The following SLC4A4 variants were observed in gnomAD, a reference collection of about 807,000 sequenced individuals.
The protein encoded by SLC4A4 is solute carrier family 4 member 4, also known as electrogenic sodium bicarbonate cotransporter 1.
SLC4A4 carries 27 observed loss-of-function variants against 111.5 expected under a neutral mutation model. The observed-to-expected ratio is 0.24, with a 90% CI of 0.18 to 0.33. SLC4A4 has a LOEUF of 0.33. Among genes scored for constraint, SLC4A4 ranks in the 10% least tolerant of loss-of-function variants. The pLI is 1.00. For synonymous variants in SLC4A4, 443 were observed against 463.4 expected (o/e 0.96, Z 0.57); for missense variants, 909 against 1,315.5 (o/e 0.69, Z 4.78).
chr4:71,283,796 T>G (rs912554721), intron 3 of SLC4A4, among the ~76,000 whole-genome samples: 2 of 152,238 alleles, frequency 1.3e-5, no homozygotes, highest in Non-Finnish European at 2.9e-5. Flanking sequence ...GGAACTTCCC[T>G]GCAGAGTTCA....
chr4:71,255,313 A>G lies in SLC4A4; in HGVS notation c.167A>G (p.Glu56Gly), dbSNP rs1721366729. 6.2e-7 allele frequency: 1 copy of G among 1,613,568 alleles called. No individual in the cohort carries two copies. Among genetic ancestry groups the G allele is most frequent in the Non-Finnish European group, 8.5e-7 (1 of 1,179,602 alleles). Residue 56 changes from glutamate to glycine, a missense_variant, in exon 3 of 26, where the codon GAA becomes GGA. Glu to Gly is a moderately conservative substitution (Grantham distance 98). Coordinates refer to ENST00000264485, the MANE Select transcript of SLC4A4 (RefSeq NM_001098484.3). Reference protein sequence around the residue: ...KRKTGHKEKKEKERISENYSD... With the variant: ...KRKTGHKEKKGKERISENYSD... ...AAGACAGGGCACAAAGAAAAGAAGGAAAAGGAGAGAATCTCTGAGAACTAC... is the reference window on the plus strand; with the variant it reads ...AAGACAGGGCACAAAGAAAAGAAGGGAAAGGAGAGAATCTCTGAGAACTAC...
intron 5 of SLC4A4, among the ~76,000 whole-genome samples, chr4:71,353,816 C>T (rs1426733544): frequency 6.6e-6 from 1 of 152,176 alleles, no homozygotes. Flanking sequence ...CCTTTGCAGT[C>T]CACCTGCTAC....
Position 71,133,051 on chromosome 4 carries a change from AT to A in SLC4A4, c.-2+40269del, listed in dbSNP as rs940720348. On this transcript the variant is annotated intron_variant, in intron 2 of 26. Coordinates refer to the SLC4A4 transcript ENST00000649996. ...ATGTAAGTGCATTTGATGAATTACCATTTTTTTTTTAACCAGGGTGAGATTT... is the reference window on the plus strand; with the variant it reads ...ATGTAAGTGCATTTGATGAATTACCATTTTTTTTTAACCAGGGTGAGATTT... Among the ~76,000 whole-genome samples, 704 of 150,044 alleles carry A rather than the reference AT, an allele frequency of 4.7e-3. 4 individuals carry two copies. Among genetic ancestry groups the A allele is most frequent in the African/African-American group, 0.013 (519 of 40,920 alleles).
intron 12 of SLC4A4, among the ~76,000 whole-genome samples, chr4:71,460,652 G>A (rs1349497764): frequency 6.6e-6 from 1 of 152,002 alleles, no homozygotes; most frequent in African/African-American, 2.4e-5. Context: ...CTACACAGGG[G>A]AAATAAAAAA....
At chr4:71,291,342 T>TA (rs996815415) in intron 3 of SLC4A4, among the ~76,000 whole-genome samples, 4 of 152,140 alleles carry the variant, frequency 2.6e-5, no homozygotes, top group African/African-American at 9.7e-5. Flanking sequence ...TAATAAAATT[T>TA]AAAAAAAGTT....
chr4:71,258,390 C>T lies in SLC4A4; in HGVS notation c.253+2991C>T, dbSNP rs182234335. 5.9e-3 allele frequency among the ~76,000 whole-genome samples: 901 copies of T among 152,304 alleles called. 2 individuals carry two copies. Among genetic ancestry groups the T allele is most frequent in the Non-Finnish European group, 8.9e-3 (607 of 68,022 alleles). ...TGCAGATTCCCCTTCATTATTCTTTCCCAACGCCTTATGTTTCCTTCAGAA... is the reference window on the plus strand; with the variant it reads ...TGCAGATTCCCCTTCATTATTCTTTTCCAACGCCTTATGTTTCCTTCAGAA... On this transcript the variant is annotated intron_variant, in intron 3 of 25. Coordinates refer to ENST00000264485, the MANE Select transcript of SLC4A4 (RefSeq NM_001098484.3).
In SLC4A4 at chr4:71,310,174, T is replaced by G. The variant is rs555095285; in HGVS notation, c.254-29196T>G. 8.6e-5 allele frequency among the ~76,000 whole-genome samples: 13 copies of G among 151,946 alleles called. No individual in the cohort carries two copies. The East Asian group carries it at 1.9e-3, about 23-fold the overall frequency. ...GAATGAACAAAACCTCCAAGAAATA[T>G]GGGACTCTGTGAAAAGACCAAACCT... On this transcript the variant is annotated intron_variant, in intron 3 of 25. Coordinates refer to ENST00000264485, the MANE Select transcript of SLC4A4 (RefSeq NM_001098484.3).
intron 7 of SLC4A4, among the ~76,000 whole-genome samples, chr4:71,436,048 C>A (rs1018842892): frequency 6.6e-6 from 1 of 152,138 alleles, no homozygotes; most frequent in Non-Finnish European, 1.5e-5. Context: ...CCCAGCAATC[C>A]CATTATTGGG....
chr4:71,123,930 G>A (rs1178247292), intron 2 of SLC4A4, among the ~76,000 whole-genome samples: 1 of 152,168 alleles, frequency 6.6e-6, no homozygotes, highest in African/African-American at 2.4e-5. Context: ...CTAATTTGAT[G>A]CTTACTTCTG....
intron 2 of SLC4A4, among the ~76,000 whole-genome samples, chr4:71,160,826 T>C (rs190527900): frequency 1.3e-5 from 2 of 152,160 alleles, no homozygotes; most frequent in East Asian, 3.9e-4. Flanking sequence ...AACAAAAGGA[T>C]TTGCACTAAT....
chr4:71,377,886 G>A (rs748458225), intron 6 of SLC4A4, among the ~76,000 whole-genome samples: 8 of 152,222 alleles, frequency 5.3e-5, no homozygotes, highest in Non-Finnish European at 1.2e-4. Context: ...GGAAGAAGAA[G>A]AGGTTTAATT....
At chr4:71,208,657 A>G (rs62304060) in intron 1 of SLC4A4, among the ~76,000 whole-genome samples, 18,009 of 151,812 alleles carry the variant, frequency 0.12, 1,747 homozygotes, top group African/African-American at 0.25. Flanking sequence ...ATGATTTATT[A>G]ATTATGGTTT....
At chr4:71,310,864 C>G (rs1444657876) in intron 3 of SLC4A4, among the ~76,000 whole-genome samples, 1 of 151,948 alleles carries the variant, frequency 6.6e-6, no homozygotes, top group Non-Finnish European at 1.5e-5. Context: ...GGCTAAGTGC[C>G]CCAAAAGGCA....
rs114600581 is a variant in SLC4A4 at position 71,351,736 on chromosome 4, G to C, written c.550+1664G>C. ...GGAGAAGGGAGAGGACTTATGTAAAGATGCTGGATGGACAGAAATAATTAT... is the reference window on the plus strand; with the variant it reads ...GGAGAAGGGAGAGGACTTATGTAAACATGCTGGATGGACAGAAATAATTAT... On this transcript the variant is annotated intron_variant, in intron 5 of 25. Coordinates refer to ENST00000264485, the MANE Select transcript of SLC4A4 (RefSeq NM_001098484.3). Among the ~76,000 whole-genome samples the C allele has an allele frequency of 1.4e-3, 219 of 152,246 alleles. 2 individuals carry two copies. The highest frequency in any genetic ancestry group is 5.0e-3 in the African/African-American group (207 of 41,548).
At chr4:71,121,896 C>T (rs758641107) in intron 2 of SLC4A4, among the ~76,000 whole-genome samples, 2 of 152,158 alleles carry the variant, frequency 1.3e-5, no homozygotes, top group Non-Finnish European at 2.9e-5. Flanking sequence ...CAGGTTCACT[C>T]CTGAGGCCAG....
At chr4:71,234,762 C>T (rs181145048) in intron 1 of SLC4A4, among the ~76,000 whole-genome samples, 282 of 152,216 alleles carry the variant, frequency 1.9e-3, no homozygotes, top group African/African-American at 6.6e-3. Context: ...TTCTTTTCCA[C>T]CAGAATCTTG....
chr4:71,514,607 T>C (rs377206354), intron 16 of SLC4A4, among the ~76,000 whole-genome samples: 1 of 152,346 alleles, frequency 6.6e-6, no homozygotes, highest in African/African-American at 2.4e-5. Flanking sequence ...AACTCCACAG[T>C]GAATCTATCT....
chr4:71,423,195 C>T (rs1333562593), intron 7 of SLC4A4, among the ~76,000 whole-genome samples: 3 of 152,170 alleles, frequency 2.0e-5, no homozygotes, highest in African/African-American at 7.2e-5. Context: ...ACACCAATAA[C>T]AGACAAACAG....
chr4:71,127,016 C>G (rs1183940180), intron 2 of SLC4A4, among the ~76,000 whole-genome samples: 1 of 152,178 alleles, frequency 6.6e-6, no homozygotes, highest in Non-Finnish European at 1.5e-5. Flanking sequence ...AGCCTAGAAA[C>G]CACATAAATA....
Sources: gnomAD v4.1 joint callset for allele counts (sites outside exome capture counted in the v4.1 genomes callset) on GRCh38, gnomAD v4.1.1 for gene constraint, MANE v1.5 for transcripts, NCBI Gene and HGNC (gene_info 2026-07-23, HGNC 2026-07-21) for gene names.